ANO1: variants seen among roughly 807,000 people sequenced by gnomAD.
ANO1 encodes the protein anoctamin 1, also known as anoctamin-1.
Under a neutral mutation model 124.0 loss-of-function variants are expected in ANO1, and 59 were observed. That is an observed-to-expected ratio of 0.48 (90% CI 0.39 to 0.59). The LOEUF (loss-of-function observed/expected upper bound fraction) is 0.59, where lower values mean the gene tolerates loss of function less well. Among genes scored for constraint, ANO1 ranks in the 20% least tolerant of loss-of-function variants. The probability of loss-of-function intolerance (pLI) is 0.00; values close to 1 mark genes in which losing one functional copy is unlikely to be tolerated. For missense variants in ANO1, 1,059 were observed against 1,328.0 expected (o/e 0.80, Z 3.15); for synonymous variants, 529 against 532.0 (o/e 0.99, Z 0.08).
chr11:70,175,071 A>G (rs2135793421), intron 22 of ANO1, among the ~76,000 whole-genome samples: 1 of 150,090 alleles, frequency 6.7e-6, no homozygotes, highest in East Asian at 2.0e-4. Context: ...CTCTGCTTCG[A>G]GAAGCTCTGG....
the ANO1 span, among the ~76,000 whole-genome samples, chr11:69,969,329 A>G: frequency 2.0e-5 from 3 of 152,220 alleles, no homozygotes; most frequent in East Asian, 5.8e-4. Flanking sequence ...ATCTGGTCTG[A>G]GGTGTGGCTG....
intron 8 of ANO1, among the ~76,000 whole-genome samples, chr11:70,120,455 C>T (rs577287819): frequency 1.3e-5 from 2 of 152,228 alleles, no homozygotes; most frequent in East Asian, 3.9e-4. Flanking sequence ...CCACCTGGGC[C>T]CTGTTGGGGA....
chr11:70,150,546 T>G (rs1406398163), intron 12 of ANO1, among the ~76,000 whole-genome samples: 6 of 152,278 alleles, frequency 3.9e-5, no homozygotes, highest in Admixed American at 3.3e-4. Flanking sequence ...TGCTCCCCAC[T>G]TTTTGGGAGA....
chr11:70,161,917 C>A (rs1211422806), intron 18 of ANO1, among the ~76,000 whole-genome samples, 184 bp downstream of exon 18: 7 of 152,166 alleles, frequency 4.6e-5, no homozygotes, highest in Admixed American at 1.3e-4. Context: ...GGACCCTGGG[C>A]AGCAGGGAGT....
intron 24 of ANO1, among the ~76,000 whole-genome samples, chr11:70,184,649 G>A (rs534816701): frequency 7.4e-4 from 112 of 152,358 alleles, no homozygotes; most frequent in Non-Finnish European, 1.5e-3. Context: ...CTGCACCAGC[G>A]GAATGCTTAG....
intron 16 of ANO1, among the ~76,000 whole-genome samples, chr11:70,160,190 G>A (rs998941977): frequency 6.6e-5 from 10 of 152,088 alleles, no homozygotes; most frequent in African/African-American, 1.9e-4. Flanking sequence ...GCAAATATGC[G>A]ATTTCCTGGA....
chr11:70,010,366 C>T (rs1430102840), intron 1 of ANO1, among the ~76,000 whole-genome samples: 3 of 151,574 alleles, frequency 2.0e-5, no homozygotes, highest in Admixed American at 6.6e-5. Flanking sequence ...CCAGTACTGG[C>T]TCTTTTTAAC....
At chr11:70,086,665 G>C (rs1306540408) in intron 1 of ANO1, among the ~76,000 whole-genome samples, 1 of 152,230 alleles carries the variant, frequency 6.6e-6, no homozygotes, top group African/African-American at 2.4e-5. Flanking sequence ...GGCCAGAGCG[G>C]GTGCATGATC....
intron 11 of ANO1, among the ~76,000 whole-genome samples, chr11:70,144,092 C>T (rs1019065277): frequency 9.6e-4 from 146 of 152,192 alleles, no homozygotes; most frequent in African/African-American, 3.4e-3. Flanking sequence ...TCCTCCACTG[C>T]TCCAGAGCAG....
intron 1 of ANO1, among the ~76,000 whole-genome samples, chr11:70,017,446 ATTCCTTCC>A (rs1180151544): frequency 8.3e-6 from 1 of 120,726 alleles, no homozygotes; most frequent in East Asian, 3.4e-4. Context: ...TCCTTCCTTC[ATTCCTTCC>A]TTCCTTCCTT....
chr11:70,044,651 T>C (rs1857231485), intron 1 of ANO1, among the ~76,000 whole-genome samples: 1 of 152,158 alleles, frequency 6.6e-6, no homozygotes, highest in South Asian at 2.1e-4. Flanking sequence ...TGATAGTAAA[T>C]GTTTGATGAG....
intron 2 of ANO1, 119 bp from the exon 3 acceptor site, chr11:70,102,947 G>A: frequency 1.5e-6 from 1 of 681,400 alleles, no homozygotes; most frequent in Non-Finnish European, 2.5e-6. Context: ...TGAGGCCGCG[G>A]TAAAAGCAGC....
chr11:70,025,721 G>GAT, intron 1 of ANO1, among the ~76,000 whole-genome samples: 2 of 147,930 alleles, frequency 1.4e-5, no homozygotes, highest in African/African-American at 2.5e-5. Flanking sequence ...TGATGATGAT[G>GAT]GTGGTGGTGA....
In ANO1 at chr11:70,111,760, G is replaced by A. The variant is rs765971585; in HGVS notation, c.853G>A (p.Asp285Asn). 4 of 1,613,896 alleles carry A rather than the reference G, an allele frequency of 2.5e-6. No homozygotes were observed. In the South Asian group the frequency reaches 3.3e-5, roughly 13 times the overall value. Residue 285 changes from aspartate (D) to asparagine (N), a missense_variant and splice_region_variant, in exon 7 of 26, where the codon GAT becomes AAT. Physicochemically the swap from Asp to Asn is conservative, Grantham distance 23. Around this residue, in one of 2 missense-constraint regions of ANO1, gnomAD observed 809 missense variants for 1,094.9 expected, o/e 0.74. Transcript: ENST00000355303. ...GTACGCGGCTGCATACCCACTGCAC[G>A]ATGTAAGTAACCTTGACACACGATT... ...GVYAAAYPLH[D>N]GDYNGENVEF...
intron 3 of ANO1, 94 bp downstream of exon 3, chr11:70,103,258 G>A (rs1382427257): frequency 4.0e-6 from 4 of 1,001,362 alleles, no homozygotes; most frequent in East Asian, 2.6e-5. Context: ...GAGGCCCTGA[G>A]TTTTATAAAA....
chr11:70,123,166 A>T (rs1428793360), intron 8 of ANO1, among the ~76,000 whole-genome samples: 109 of 152,068 alleles, frequency 7.2e-4, no homozygotes, highest in Non-Finnish European at 1.5e-5. Context: ...GGGTGGGGGA[A>T]CCTTCCCAGG....
At chr11:70,094,156 G>A (rs977240002) in intron 2 of ANO1, among the ~76,000 whole-genome samples, 1 of 152,146 alleles carries the variant, frequency 6.6e-6, no homozygotes. Flanking sequence ...CCACTCCCAG[G>A]GCCTGACCCT....
intron 22 of ANO1, among the ~76,000 whole-genome samples, chr11:70,178,884 G>T (rs908899701): frequency 2.7e-4 from 41 of 152,250 alleles, no homozygotes; most frequent in African/African-American, 9.9e-4. Flanking sequence ...ATTTCTGATT[G>T]ATGATGATTG....
the ANO1 span, among the ~76,000 whole-genome samples, chr11:69,969,365 G>C: frequency 6.6e-6 from 1 of 152,198 alleles, no homozygotes; most frequent in African/African-American, 2.4e-5. Context: ...ACTGACCTGG[G>C]GCAAATCTGG....
Sources: gnomAD v4.1 joint callset for allele counts (sites outside exome capture counted in the v4.1 genomes callset) on GRCh38, gnomAD v4.1.1 for gene constraint, gnomAD v4.1.1 regional missense constraint, MANE v1.5 for transcripts, NCBI Gene and HGNC (gene_info 2026-07-23, HGNC 2026-07-21) for gene names.